NSD2: variants seen among roughly 807,000 people sequenced by gnomAD.
NSD2 encodes the protein nuclear receptor binding SET domain protein 2, also known as histone-lysine N-methyltransferase NSD2.
NSD2 carries 12 observed loss-of-function variants against 139.0 expected under a neutral mutation model. That is an observed-to-expected ratio of 0.09 (90% CI 0.06 to 0.14). The LOEUF is 0.14. Among genes scored for constraint, NSD2 ranks in the 10% least tolerant of loss-of-function variants. The pLI is 1.00. For synonymous variants in NSD2, 669 were observed against 648.7 expected (o/e 1.03, Z -0.48); for missense variants, 1,155 against 1,745.0 (o/e 0.66, Z 6.02).
chr4:1,898,944 T>A, intron 1 of NSD2, among the ~76,000 whole-genome samples: 1 of 152,172 alleles, frequency 6.6e-6, no homozygotes, highest in Admixed American at 6.5e-5. Flanking sequence ...TTCCGTCCAT[T>A]TTCTCTCTGC....
chr4:1,885,616 T>G (rs1715027688), intron 1 of NSD2, among the ~76,000 whole-genome samples: 1 of 152,034 alleles, frequency 6.6e-6, no homozygotes, highest in Admixed American at 6.6e-5. Context: ...CACATCATGC[T>G]GGAGTGTGGA....
chr4:1,956,263 A>G lies in NSD2; in HGVS notation c.2881+75A>G. The G allele has an allele frequency of 7.4e-7, 1 of 1,356,342 alleles. No homozygotes were observed. The highest frequency in any genetic ancestry group is 9.9e-7 in the Non-Finnish European group (1 of 1,007,964). 84.0% of individuals were successfully genotyped at this position (1,356,342 alleles called of 1,614,324 possible). A position where few individuals can be genotyped will look rare whatever the true frequency, so the allele number is the denominator to read the frequency against. The stretch of plus-strand genomic sequence containing the variant: ...TTACCCCTAATTTCTATTTTTTAAA[A>G]TTTGATCTTTATAGAAAATACTGGA... On this transcript the variant is annotated intron_variant, in intron 15 of 21. Coordinates refer to ENST00000508803, the MANE Select transcript of NSD2 (RefSeq NM_001042424.3). This position sits in a 1 kb window ranked among gnomAD's most constrained non-coding sequence, Gnocchi z 5.3.
rs116561799 is a variant in NSD2, at chr4:1,927,715, C to G, written c.1411-2911C>G. On this transcript the variant is annotated intron_variant, in intron 5 of 21. Coordinates refer to ENST00000508803, the MANE Select transcript of NSD2 (RefSeq NM_001042424.3). ...GCCTGGGCCACAATGAGACTCTTATCTCAGAAAAAAAAAAAAAAAAAAAAA... is the reference window on the plus strand; with the variant it reads ...GCCTGGGCCACAATGAGACTCTTATGTCAGAAAAAAAAAAAAAAAAAAAAA... Among the ~76,000 whole-genome samples the G allele has an allele frequency of 8.0e-3, 682 of 85,358 alleles. 4 individuals are homozygous for G. The highest frequency in any genetic ancestry group is 0.011 in the Non-Finnish European group (549 of 49,792). 56.0% of individuals were successfully genotyped at this position (85,358 alleles called of 152,430 possible).
Position 1,981,766 on chromosome 4 carries a change from T to C in NSD2, c.*2857T>C, listed in dbSNP as rs1347237122. 4 of 398,060 alleles carry C rather than the reference T, an allele frequency of 1.0e-5. No individual in the cohort carries two copies. Among genetic ancestry groups the C allele is most frequent in the African/African-American group, 8.2e-5 (4 of 48,638 alleles). The allele number at this position is 398,060 out of a possible 1,614,324, so 24.7% of individuals were successfully genotyped here. ...TCCAGGACTACCTTATTTTCCAGAA[T>C]TAAACCTGTTTTATAATTCAAGTTA... is the stretch of plus-strand genomic sequence containing the variant. On this transcript the variant is annotated 3_prime_UTR_variant, in exon 22 of 22. Coordinates refer to ENST00000508803, the MANE Select transcript of NSD2 (RefSeq NM_001042424.3).
chr4:1,920,623 T>C (rs1399860811), intron 5 of NSD2, among the ~76,000 whole-genome samples: 4 of 152,182 alleles, frequency 2.6e-5, no homozygotes, highest in Non-Finnish European at 5.9e-5. Context: ...TTGCTTTTTC[T>C]CCTTGGGAGG....
chr4:1,946,922 C>T (rs1723695725), intron 9 of NSD2: 3 of 1,059,032 alleles, frequency 2.8e-6, no homozygotes, highest in Non-Finnish European at 3.4e-6. Context: ...TCTAGCCTAC[C>T]TATAGTTGTT....
At chr4:1,934,493 C>T (rs1294304622) in intron 6 of NSD2, among the ~76,000 whole-genome samples, 1 of 150,030 alleles carries the variant, frequency 6.7e-6, no homozygotes, top group Admixed American at 6.6e-5. Context: ...AACTCCATCT[C>T]AAAAATAAAT....
At chr4:1,930,502 C>T (rs1223509991) in intron 5 of NSD2, 124 bp from the exon 6 acceptor site, 19 of 1,020,242 alleles carry the variant, frequency 1.9e-5, no homozygotes, top group South Asian at 1.1e-4. Flanking sequence ...CATAGTTCCA[C>T]GATGTGGGAA....
intron 20 of NSD2, 25 bp downstream of exon 20, chr4:1,975,425 C>T: frequency 1.2e-6 from 2 of 1,606,564 alleles, no homozygotes; most frequent in Non-Finnish European, 1.7e-6. Flanking sequence ...CCCTCCTTCC[C>T]CCCAGGCTCT....
chr4:1,964,382 T>A (rs1725663760), intron 18 of NSD2, among the ~76,000 whole-genome samples: 1 of 152,188 alleles, frequency 6.6e-6, no homozygotes, highest in South Asian at 2.1e-4. Flanking sequence ...TGGAAGCTAC[T>A]GAAGGCTTGC....
chr4:1,954,654 C>T (rs1464533252), intron 12 of NSD2: 1 of 153,514 alleles, frequency 6.5e-6, no homozygotes, highest in African/African-American at 2.4e-5. Flanking sequence ...CACACCCAGC[C>T]TGTTTGCTCT....
Position 1,982,084 on chromosome 4 carries a change from G to GA in NSD2, c.*3178dup, listed in dbSNP as rs1553882793. On this transcript the variant is annotated 3_prime_UTR_variant, in exon 22 of 22. Coordinates refer to ENST00000508803, the MANE Select transcript of NSD2 (RefSeq NM_001042424.3). ...CACTTTTTGGGGGGAGGGATATACT[G>GA]AAATAGAGAGTTGAGACTTGCCAGT... 1 of 397,198 alleles carries GA rather than the reference G, an allele frequency of 2.5e-6. No homozygotes were observed. The highest frequency in any genetic ancestry group is 4.4e-6 in the Non-Finnish European group (1 of 225,696). The allele number at this position is 397,198 out of a possible 1,614,324, so 24.6% of individuals were successfully genotyped here.
intron 5 of NSD2, among the ~76,000 whole-genome samples, chr4:1,922,599 T>A (rs1205519572): frequency 6.6e-6 from 1 of 152,234 alleles, no homozygotes; most frequent in Non-Finnish European, 1.5e-5. Context: ...CCTGAGGATT[T>A]GCTCTACCAG....
rs1577502479 is a variant in NSD2, at chr4:1,941,572, C to G, written c.1881+1794C>G. On this transcript the variant is annotated intron_variant, in intron 9 of 21. Transcript: ENST00000508803. ...CTTAAATTTTAATTCTTCAGAATGTCAGAAGTTGATAGGTTGTTAAATACA... is the reference window on the plus strand; with the variant it reads ...CTTAAATTTTAATTCTTCAGAATGTGAGAAGTTGATAGGTTGTTAAATACA... 6.7e-6 allele frequency: 7 copies of G among 1,039,350 alleles called. No homozygotes were observed. In the East Asian group the frequency reaches 4.1e-4, roughly 61 times the overall value. The allele number at this position is 1,039,350 out of a possible 1,614,324, so 64.4% of individuals were successfully genotyped here. A position where few individuals can be genotyped will look rare whatever the true frequency, so the allele number is the denominator to read the frequency against.
At chr4:1,906,878 C>G (rs552038191) in intron 3 of NSD2, among the ~76,000 whole-genome samples, 2 of 151,856 alleles carry the variant, frequency 1.3e-5, no homozygotes, top group African/African-American at 4.8e-5. Context: ...CCAGGCTGGT[C>G]TCAAACCTCT....
At chr4:1,884,712 G>A (rs1714950824) in intron 1 of NSD2, among the ~76,000 whole-genome samples, 1 of 152,054 alleles carries the variant, frequency 6.6e-6, no homozygotes, top group Non-Finnish European at 1.5e-5. Context: ...TCTGCAAATT[G>A]TATGCTCTAT....
At chr4:1,923,484 G>A (rs1182167038) in intron 5 of NSD2, among the ~76,000 whole-genome samples, 1 of 152,204 alleles carries the variant, frequency 6.6e-6, no homozygotes, top group East Asian at 1.9e-4. Context: ...TGCCCAGGAA[G>A]CTGTATGTTA....
chr4:1,962,473 T>A (rs1725466706), intron 18 of NSD2, among the ~76,000 whole-genome samples: 1 of 152,190 alleles, frequency 6.6e-6, no homozygotes, highest in Non-Finnish European at 1.5e-5. Flanking sequence ...ACTTGTGATG[T>A]GTTTAGGGTC....
Position 1,948,250 on chromosome 4 carries a change from T to A in NSD2, c.1882-2822T>A. On this transcript the variant is annotated intron_variant, in intron 9 of 21. Transcript: ENST00000508803. This position sits in a 1 kb window ranked among gnomAD's most constrained non-coding sequence, Gnocchi z 4.5. ...AACAACGGGAAAGTTCTTGACAGAG[T>A]CTGTGTCCGCTCAGTCCCTGCACTT... The A allele has an allele frequency of 9.4e-7, 1 of 1,064,766 alleles. No homozygotes were observed. Among genetic ancestry groups the A allele is most frequent in the Non-Finnish European group, 1.1e-6 (1 of 878,480 alleles). 66.0% of individuals were successfully genotyped at this position (1,064,766 alleles called of 1,614,324 possible). A position where few individuals can be genotyped will look rare whatever the true frequency, so the allele number is the denominator to read the frequency against.
Sources: gnomAD v4.1 joint callset for allele counts (sites outside exome capture counted in the v4.1 genomes callset) on GRCh38, gnomAD v4.1.1 for gene constraint, Gnocchi (gnomAD v3.1) non-coding constraint, MANE v1.5 for transcripts, NCBI Gene and HGNC (gene_info 2026-07-23, HGNC 2026-07-21) for gene names.